The following PTPN21 variants were observed in gnomAD, a reference collection of about 807,000 sequenced individuals.
PTPN21 encodes protein tyrosine phosphatase non-receptor type 21.
PTPN21 carries 77 observed loss-of-function variants against 131.8 expected under a neutral mutation model. The observed-to-expected ratio is 0.58, with a 90% confidence interval of 0.49 to 0.71. The LOEUF is 0.71. PTPN21 is among the 30% of genes least tolerant of loss of function. The pLI is 0.00. For missense variants in PTPN21, 1,552 were observed against 1,527.1 expected (o/e 1.02, Z -0.27); for synonymous variants, 715 against 621.3 (o/e 1.15, Z -2.24).
At chr14:88,506,756 C>A (rs1201963021) in intron 4 of PTPN21, among the ~76,000 whole-genome samples, 1 of 152,046 alleles carries the variant, frequency 6.6e-6, no homozygotes. Context: ...ATTCATGTAA[C>A]CATAGCCAGC....
chr14:88,546,611 T>C (rs1348441211), intron 2 of PTPN21, among the ~76,000 whole-genome samples: 1 of 150,070 alleles, frequency 6.7e-6, no homozygotes, highest in East Asian at 1.9e-4. Flanking sequence ...ATTATAGAAG[T>C]GAAATGGTAT....
Position 88,479,422 on chromosome 14 carries a change from G to A in PTPN21, c.2009C>T (p.Ser670Leu), listed in dbSNP as rs1278491535. 4.4e-6 allele frequency: 7 copies of A among 1,602,450 alleles called. No homozygotes were observed. The Admixed American group carries it at 6.7e-5, about 15-fold the overall frequency. Residue 670 changes from serine (S) to leucine (L), a missense_variant, in exon 13 of 19, where the codon TCG (serine) becomes TTG (leucine). Ser to Leu is a moderately radical substitution (Grantham distance 145). Transcript: ENST00000556564. ...GAAAACGCTGGGCTGGGAGCCCACC[G>A]AGACGGCTCGCGGCGCCACCTCTGC... The part of the protein sequence containing the change: ...SAAEVAPRAV[S>L]VGSQPSVFTE...
intron 3 of PTPN21, chr14:88,514,950 C>G (rs2078244158): frequency 6.6e-6 from 1 of 151,810 alleles, no homozygotes; most frequent in South Asian, 2.1e-4. Flanking sequence ...TCCTTGCACC[C>G]CTCATAATCT....
At chr14:88,509,246 G>A (rs1192582339) in intron 3 of PTPN21, among the ~76,000 whole-genome samples, 1 of 152,108 alleles carries the variant, frequency 6.6e-6, no homozygotes, top group Non-Finnish European at 1.5e-5. Context: ...CTAGATGCTG[G>A]GGATACCGTA....
chr14:88,533,752 G>A lies in PTPN21; in HGVS notation c.180+16486C>T, dbSNP rs540726965. Among the ~76,000 whole-genome samples, 14 of 152,072 alleles carry A rather than the reference G, an allele frequency of 9.2e-5. No homozygotes were observed. The South Asian group carries it at 2.9e-3, about 32-fold the overall frequency. On this transcript the variant is annotated intron_variant, in intron 2 of 18. Coordinates refer to ENST00000556564, the MANE Select transcript of PTPN21 (RefSeq NM_007039.4). ...ACAAAAATCAGCCAGGTGTGGTGGT[G>A]TAGACCCAACTAGGAGGCTGAGGCA...
intron 6 of PTPN21, among the ~76,000 whole-genome samples, chr14:88,504,086 C>T (rs1197753333): frequency 3.9e-5 from 6 of 152,118 alleles, no homozygotes; most frequent in Non-Finnish European, 7.4e-5. Flanking sequence ...TTACGTTAAC[C>T]TATACAGGTT....
intron 2 of PTPN21, among the ~76,000 whole-genome samples, chr14:88,525,414 C>T (rs1304613333): frequency 1.3e-5 from 2 of 152,116 alleles, no homozygotes; most frequent in South Asian, 2.1e-4. Context: ...AGGACTTACA[C>T]ACTTTTTGAA....
chr14:88,478,559 A>C (rs1306117129), intron 13 of PTPN21, among the ~76,000 whole-genome samples: 1 of 152,206 alleles, frequency 6.6e-6, no homozygotes, highest in African/African-American at 2.4e-5. Context: ...CACCCACAGT[A>C]TTTTTAATGG....
intron 12 of PTPN21, among the ~76,000 whole-genome samples, chr14:88,484,262 G>T (rs1190451977): frequency 1.3e-5 from 2 of 150,434 alleles, no homozygotes; most frequent in Admixed American, 1.3e-4. Context: ...CTGTGGTCCA[G>T]GCTGAAGATA....
At chr14:88,511,853 C>G (rs2078189210) in intron 3 of PTPN21, among the ~76,000 whole-genome samples, 1 of 152,112 alleles carries the variant, frequency 6.6e-6, no homozygotes, top group East Asian at 1.9e-4. Flanking sequence ...TACTGATCAA[C>G]TTTCCAATAT....
At chr14:88,484,480 A>G (rs1163920170) in intron 12 of PTPN21, among the ~76,000 whole-genome samples, 1 of 145,652 alleles carries the variant, frequency 6.9e-6, no homozygotes, top group Non-Finnish European at 1.5e-5. Flanking sequence ...TCTGGCAGGG[A>G]AAGAAAAGTA....
chr14:88,501,249 T>G (rs375174920), intron 7 of PTPN21, 32 bp downstream of exon 7: 1 of 1,554,454 alleles, frequency 6.4e-7, no homozygotes, highest in South Asian at 1.1e-5. Flanking sequence ...AAGCCTAACT[T>G]TAAAGAGCCC....
At chr14:88,554,552 C>A (rs943925633) in intron 1 of PTPN21, 99 bp downstream of exon 1, 6 of 151,714 alleles carry the variant, frequency 4.0e-5, no homozygotes, top group Non-Finnish European at 8.8e-5. Flanking sequence ...TCCGGGATTC[C>A]GGGGCCGCGG....
chr14:88,479,795 G>C lies in PTPN21; in HGVS notation c.1636C>G (p.Gln546Glu). The stretch of plus-strand genomic sequence containing the variant: ...GACGGGTAGTCCTGCGCCTGCAGCT[G>C]CGCATTGGTCAGCTCCGGCACGCTG... ...AVSVPELTNA[Q>E]LQAQDYPSPN... Residue 546 changes from glutamine (Q) to glutamate (E), a missense_variant, in exon 13 of 19, where the codon CAG becomes GAG. Transcript: ENST00000556564. The C allele has an allele frequency of 1.3e-6, 2 of 1,545,300 alleles. No individual in the cohort carries two copies. Among genetic ancestry groups the C allele is most frequent in the South Asian group, 2.5e-5 (2 of 81,136 alleles).
At chr14:88,506,498 G>A (rs998293937) in intron 4 of PTPN21, among the ~76,000 whole-genome samples, 1 of 151,992 alleles carries the variant, frequency 6.6e-6, no homozygotes, top group Non-Finnish European at 1.5e-5. Context: ...GGCTGGTCTC[G>A]AACTCCTGGA....
chr14:88,516,937 A>G (rs954627983), intron 3 of PTPN21, among the ~76,000 whole-genome samples, 155 bp downstream of exon 3: 5 of 152,206 alleles, frequency 3.3e-5, no homozygotes, highest in Non-Finnish European at 7.3e-5. Context: ...AAACACTCTG[A>G]CATGCCACAT....
chr14:88,508,298 T>C (rs1999177), intron 3 of PTPN21, among the ~76,000 whole-genome samples: 52,640 of 151,690 alleles, frequency 0.35, 9,710 homozygotes, highest in African/African-American at 0.48. Flanking sequence ...TACAGGTGCA[T>C]ACCACTATGC....
chr14:88,471,266 CTCAT>C (rs1402729463), intron 15 of PTPN21, among the ~76,000 whole-genome samples: 2 of 152,174 alleles, frequency 1.3e-5, no homozygotes, highest in African/African-American at 2.4e-5. Flanking sequence ...TCCACAGTTA[CTCAT>C]TCACTCACCA....
Position 88,473,726 on chromosome 14 carries a change from G to A in PTPN21, c.2588C>T (p.Ser863Phe), listed in dbSNP as rs200168997. ...KLAALNGLSL[S>F]RVPLPDEGKE... ...TCCTTCATCAGGCAGAGGCACTCGA[G>A]ATAGGGAGAGTCCATTTAGGGCAGC... Residue 863 changes from serine (S) to phenylalanine (F), a missense_variant, in exon 14 of 19, where the codon TCT becomes TTT. Coordinates refer to ENST00000556564, the MANE Select transcript of PTPN21 (RefSeq NM_007039.4). The A allele has an allele frequency of 1.2e-5, 19 of 1,611,994 alleles. No individual in the cohort carries two copies. Among genetic ancestry groups the A allele is most frequent in the Non-Finnish European group, 5.1e-6 (6 of 1,179,682 alleles).
Sources: gnomAD v4.1 joint callset for allele counts (sites outside exome capture counted in the v4.1 genomes callset) on GRCh38, gnomAD v4.1.1 for gene constraint, MANE v1.5 for transcripts, NCBI Gene and HGNC (gene_info 2026-07-23, HGNC 2026-07-21) for gene names.